Variants in KCNS3 observed in about 807,000 individuals in gnomAD.
The protein encoded by KCNS3 is delayed-rectifier potassium channel regulatory subunit KCNS3.
A neutral mutation model predicts 31.0 loss-of-function variants in KCNS3; 13 were observed. That is an observed-to-expected ratio of 0.42 (90% CI 0.27 to 0.67). KCNS3 has a LOEUF of 0.67. Among genes scored for constraint, KCNS3 ranks in the 30% least tolerant of loss-of-function variants. KCNS3 has a pLI of 0.25. For synonymous variants in KCNS3, 238 were observed against 241.5 expected (o/e 0.99, Z 0.13); for missense variants, 545 against 622.4 (o/e 0.88, Z 1.32).
rs1277697605 is a variant in KCNS3 at position 17,931,603 on chromosome 2, A to G, written c.595A>G (p.Ile199Val). 3.7e-6 allele frequency: 6 copies of G among 1,614,070 alleles called. No individual in the cohort carries two copies. The African/African-American group carries it at 5.3e-5, about 14-fold the overall frequency. ...CTCCTTGAGCGTGGTGCTGGCCTCC[A>G]TCGTGGCCATGTGCGTTCACAGCAT... Reference protein sequence around the residue: ...ISSLSVVLASIVAMCVHSMSE... With the variant: ...ISSLSVVLASVVAMCVHSMSE... The change falls in exon 3 of 3, where the codon ATC (isoleucine) becomes GTC (valine). Residue 199 changes from isoleucine to valine, a missense_variant. Transcript: ENST00000304101. This position sits in a 1 kb window ranked among gnomAD's most constrained non-coding sequence, Gnocchi z 5.4.
chr2:17,885,301 T>C (rs924880229), intron 1 of KCNS3, among the ~76,000 whole-genome samples: 1 of 152,168 alleles, frequency 6.6e-6, no homozygotes, highest in Non-Finnish European at 1.5e-5. Flanking sequence ...TACCTGGTCT[T>C]CTTCATTGCA....
At chr2:17,879,676 C>A (rs557399773) in intron 1 of KCNS3, among the ~76,000 whole-genome samples, 1 of 152,336 alleles carries the variant, frequency 6.6e-6, no homozygotes, top group South Asian at 2.1e-4. Context: ...TGTCCTGCAC[C>A]CCCAACCCCG....
chr2:17,882,032 C>G (rs1169264901), intron 1 of KCNS3, among the ~76,000 whole-genome samples: 1 of 152,162 alleles, frequency 6.6e-6, no homozygotes, highest in Non-Finnish European at 1.5e-5. Context: ...AGAAAAACCA[C>G]AGAACACTTT....
In KCNS3 at chr2:17,932,561, C is replaced by T. The variant is rs1015756133; in HGVS notation, c.*77C>T. On this transcript the variant is annotated 3_prime_UTR_variant, in exon 3 of 3. Coordinates refer to ENST00000304101, the MANE Select transcript of KCNS3 (RefSeq NM_002252.5). ...ACAGCTTTATAAACCTCAGTGGGTT[C>T]GTTAAAATCATTTAATTCTCAGGGT... is the stretch of plus-strand genomic sequence containing the variant. 12 of 1,442,424 alleles carry T rather than the reference C, an allele frequency of 8.3e-6. No individual in the cohort carries two copies. The highest frequency in any genetic ancestry group is 4.3e-5 in the African/African-American group (3 of 70,504). The allele number at this position is 1,442,424 out of a possible 1,614,324, so 89.4% of individuals were successfully genotyped here. A position where few individuals can be genotyped will look rare whatever the true frequency, so the allele number is the denominator to read the frequency against.
chr2:17,888,789 G>A (rs528276058), intron 1 of KCNS3, among the ~76,000 whole-genome samples: 1 of 151,154 alleles, frequency 6.6e-6, no homozygotes, highest in South Asian at 2.1e-4. Flanking sequence ...TGGTCCATGT[G>A]CCTGTTTTTA....
At chr2:17,894,922 G>A (rs1018122181) in intron 1 of KCNS3, among the ~76,000 whole-genome samples, 1 of 152,180 alleles carries the variant, frequency 6.6e-6, no homozygotes, top group Non-Finnish European at 1.5e-5. Flanking sequence ...AAAATGGGCT[G>A]GAGAAAGGAT....
chr2:17,893,011 A>T (rs984836374), intron 1 of KCNS3, among the ~76,000 whole-genome samples: 1 of 152,158 alleles, frequency 6.6e-6, no homozygotes, highest in African/African-American at 2.4e-5. Flanking sequence ...TTTGTCTTCC[A>T]TTACCAAGGT....
At chr2:17,882,374 A>T (rs991292811) in intron 1 of KCNS3, among the ~76,000 whole-genome samples, 3 of 152,202 alleles carry the variant, frequency 2.0e-5, no homozygotes, top group Admixed American at 6.5e-5. Context: ...GTGGGACAGA[A>T]GTTAGGAAGC....
chr2:17,925,897 T>A (rs1488611354), intron 2 of KCNS3, among the ~76,000 whole-genome samples: 1 of 152,178 alleles, frequency 6.6e-6, no homozygotes, highest in Admixed American at 6.5e-5. Context: ...TCAACATTAA[T>A]TCAAAAGTCC....
intron 1 of KCNS3, among the ~76,000 whole-genome samples, chr2:17,881,498 G>A (rs1178930445): frequency 1.3e-5 from 2 of 152,130 alleles, no homozygotes; most frequent in Non-Finnish European, 2.9e-5. Flanking sequence ...TTGTTGTTAC[G>A]CTGTACTAGG....
Position 17,932,714 on chromosome 2 carries a change from TATAGTTTGG to T in KCNS3, c.*232_*240del, listed in dbSNP as rs1188383337. On this transcript the variant is annotated 3_prime_UTR_variant, in exon 3 of 3. Coordinates refer to ENST00000304101, the MANE Select transcript of KCNS3 (RefSeq NM_002252.5). ...TATTTTTTACAAGAGAGAGTTGTGA[TATAGTTTGG>T]AATATAAGATAAATGGTATTGGGTG... is the stretch of plus-strand genomic sequence containing the variant. 3.7e-5 allele frequency: 18 copies of T among 481,456 alleles called. No individual in the cohort carries two copies. Among genetic ancestry groups the T allele is most frequent in the Non-Finnish European group, 4.9e-5 (13 of 267,064 alleles). 29.8% of individuals were successfully genotyped at this position (481,456 alleles called of 1,614,324 possible).
chr2:17,884,263 AAAAAAATATATATATATATAT>A (rs1674712182), intron 1 of KCNS3, among the ~76,000 whole-genome samples: 1 of 47,278 alleles, frequency 2.1e-5, no homozygotes, highest in African/African-American at 6.6e-5. Context: ...AATTAAAAAA[AAAAAAATATATATATATATAT>A]ATATATATAT....
At position 17,907,438 on chromosome 2, in the gene KCNS3, T is replaced by A. The variant is rs1241375870; in HGVS notation, c.-251-10242T>A. 3.3e-5 allele frequency among the ~76,000 whole-genome samples: 5 copies of A among 152,366 alleles called. No homozygotes were observed. In the East Asian group the frequency reaches 9.6e-4, roughly 29 times the overall value. ...AATTTGCCAGTCTGTGTCTTTTAAT[T>A]GGAACATTTAGCCCATTTACATTTA... On this transcript the variant is annotated intron_variant, in intron 1 of 2. Transcript: ENST00000304101.
At chr2:17,893,940 G>GTTTTTTT (rs5829612) in intron 1 of KCNS3, among the ~76,000 whole-genome samples, 1,818 of 98,812 alleles carry the variant, frequency 0.018, 113 homozygotes, top group East Asian at 0.15. Context: ...CCAGGAGCCA[G>GTTTTTTT]TTTTTTTTTT....
intron 1 of KCNS3, among the ~76,000 whole-genome samples, chr2:17,915,617 A>G (rs1411743698): frequency 6.6e-6 from 1 of 152,162 alleles, no homozygotes; most frequent in South Asian, 2.1e-4. Context: ...TGTCCCCCAT[A>G]TAAAATGGGG....
chr2:17,898,202 G>C (rs1662075971), intron 1 of KCNS3, among the ~76,000 whole-genome samples: 1 of 149,062 alleles, frequency 6.7e-6, no homozygotes, highest in Admixed American at 6.7e-5. Context: ...AGTTACTGTA[G>C]CCTTGTAGTA....
At chr2:17,927,931 T>C (rs569809661) in intron 2 of KCNS3, among the ~76,000 whole-genome samples, 115 of 152,328 alleles carry the variant, frequency 7.5e-4, no homozygotes, top group African/African-American at 2.6e-3. Flanking sequence ...ATTTTACATA[T>C]ATTGATTGAT....
Position 17,881,410 on chromosome 2 carries a change from T to C in KCNS3, c.-252+2604T>C, listed in dbSNP as rs142844471. On this transcript the variant is annotated intron_variant, in intron 1 of 2. Coordinates refer to ENST00000304101, the MANE Select transcript of KCNS3 (RefSeq NM_002252.5). ...TCCAGCTGTGATATCTATTTCTTTATGGCTCCTTGACTTGACATGTCATTT... is the reference window on the plus strand; with the variant it reads ...TCCAGCTGTGATATCTATTTCTTTACGGCTCCTTGACTTGACATGTCATTT... Among the ~76,000 whole-genome samples the C allele has an allele frequency of 2.8e-4, 43 of 152,370 alleles. No individual in the cohort carries two copies. In the East Asian group the frequency reaches 3.3e-3, roughly 12 times the overall value.
intron 2 of KCNS3, among the ~76,000 whole-genome samples, chr2:17,928,273 T>G (rs1662879901): frequency 6.6e-6 from 1 of 152,202 alleles, no homozygotes; most frequent in African/African-American, 2.4e-5. Context: ...TCCTTTGTTT[T>G]GTTTAAGTTT....
Sources: allele counts gnomAD v4.1 joint callset (sites outside exome capture counted in the v4.1 genomes callset), GRCh38; gene constraint gnomAD v4.1.1; non-coding constraint Gnocchi (gnomAD v3.1); transcripts MANE v1.5; gene names NCBI Gene and HGNC (gene_info 2026-07-23, HGNC 2026-07-21).